The following PTCH1 variants were observed in gnomAD, a reference collection of about 807,000 sequenced individuals.
PTCH1 encodes the protein patched 1, also known as protein patched homolog 1.
PTCH1 carries 14 observed loss-of-function variants against 144.6 expected under a neutral mutation model. The ratio of observed to expected loss-of-function variants is 0.10; its 90% CI spans 0.06 to 0.15. The LOEUF is 0.15. Ranked by LOEUF, PTCH1 falls within the 10% of genes least tolerant of loss-of-function variation. The pLI, the probability that PTCH1 is intolerant of heterozygous loss-of-function variation, is 1.00. For synonymous variants in PTCH1, 833 were observed against 793.6 expected, an observed-to-expected ratio of 1.05 and a Z score of -0.83; for missense variants, 1,623 against 1,948.3, an observed-to-expected ratio of 0.83 and a Z score of 3.14.
rs1176214466 is a variant in PTCH1 at position 95,449,705 on chromosome 9, A to T, written c.3549+136T>A. 1 of 917,738 alleles carries T rather than the reference A, an allele frequency of 1.1e-6. No homozygotes were observed. The allele number at this position is 917,738 out of a possible 1,614,324, so 56.8% of individuals were successfully genotyped here. ...CAAAGCCAGTACACCGAAGAGGAAA[A>T]CAGACATGACTCTGAGATGTTTACT... On this transcript the variant is annotated intron_variant, in intron 21 of 23. Transcript: ENST00000331920. The surrounding 1 kb of genome is among the most constrained non-coding windows in gnomAD (Gnocchi z 5.3).
intron 12 of PTCH1, among the ~76,000 whole-genome samples, chr9:95,473,760 T>C (rs1840794051): frequency 6.6e-6 from 1 of 152,140 alleles, no homozygotes; most frequent in Non-Finnish European, 1.5e-5. Context: ...GCCAGGATGG[T>C]CTCGATCTCC....
intron 8 of PTCH1, among the ~76,000 whole-genome samples, chr9:95,478,634 G>A (rs1226346281): frequency 2.6e-5 from 4 of 152,186 alleles, no homozygotes; most frequent in Non-Finnish European, 5.9e-5. Context: ...GGGAAACAAA[G>A]GCCAGCTCCT....
chr9:95,457,784 A>G (rs1157562708), intron 18 of PTCH1, among the ~76,000 whole-genome samples: 2 of 152,178 alleles, frequency 1.3e-5, no homozygotes, highest in East Asian at 3.8e-4. Context: ...AAAGTCCCCT[A>G]TCTTTCCACA....
chr9:95,497,330 CCAG>C, intron 2 of PTCH1, among the ~76,000 whole-genome samples: 1 of 152,284 alleles, frequency 6.6e-6, no homozygotes, highest in East Asian at 1.9e-4. Flanking sequence ...GCCCAAAGTG[CCAG>C]TGACTTTCTC....
chr9:95,456,147 G>A (rs1838901453), intron 19 of PTCH1, 129 bp downstream of exon 19: 2 of 1,384,742 alleles, frequency 1.4e-6, no homozygotes, highest in East Asian at 2.3e-5. Context: ...CTCCTAGGGG[G>A]CCCCTGTGCC....
intron 2 of PTCH1, among the ~76,000 whole-genome samples, chr9:95,491,425 G>C (rs1256199327): frequency 1.3e-5 from 2 of 152,198 alleles, no homozygotes; most frequent in Non-Finnish European, 2.9e-5. Flanking sequence ...ACAGGACTGT[G>C]AGAGCCTTAG....
At chr9:95,487,644 AG>A (rs1477843967) in intron 2 of PTCH1, among the ~76,000 whole-genome samples, 2 of 152,252 alleles carry the variant, frequency 1.3e-5, no homozygotes, top group Non-Finnish European at 2.9e-5. Context: ...TCACAGCTGC[AG>A]AGCTGCCCAC....
At chr9:95,467,478 C>T (rs1389318456) in intron 14 of PTCH1, 53 bp from the exon 15 acceptor site, 3 of 1,569,278 alleles carry the variant, frequency 1.9e-6, no homozygotes, top group Admixed American at 1.7e-5. Context: ...CTGACTCTTC[C>T]TGGACAAAGA....
chr9:95,510,969 C>G (rs1382286051), upstream of PTCH1, among the ~76,000 whole-genome samples: 2 of 150,186 alleles, frequency 1.3e-5, no homozygotes, highest in African/African-American at 2.4e-5. Flanking sequence ...AGAGCCCAGG[C>G]GAGGCGCGCG....
At chr9:95,509,516 C>G (rs1405761848), upstream of PTCH1, among the ~76,000 whole-genome samples, 1 of 152,240 alleles carries the variant, frequency 6.6e-6, no homozygotes, top group Non-Finnish European at 1.5e-5. Flanking sequence ...GCAATACTTC[C>G]ATTAAGGAAT....
chr9:95,479,244 G>A (rs957255159), intron 7 of PTCH1, 97 bp from the exon 8 acceptor site: 22 of 1,495,512 alleles, frequency 1.5e-5, no homozygotes, highest in Non-Finnish European at 1.9e-5. Context: ...CTCACTGGCT[G>A]CAATTCTTTT....
At chr9:95,468,029 C>T (rs745994888) in intron 14 of PTCH1, among the ~76,000 whole-genome samples, 15 of 152,312 alleles carry the variant, frequency 9.8e-5, no homozygotes, top group Non-Finnish European at 1.9e-4. Context: ...GTCTCAGCTG[C>T]CCAAGTAGCT....
upstream of PTCH1, among the ~76,000 whole-genome samples, chr9:95,510,613 CACTTT>C (rs1412459857): frequency 7.1e-4 from 108 of 151,764 alleles, no homozygotes; most frequent in Non-Finnish European, 1.3e-3. Context: ...TGATTTGCTT[CACTTT>C]ATTTTTTTTT....
chr9:95,447,175 C>G lies in PTCH1; in HGVS notation c.4081G>C (p.Val1361Leu), dbSNP rs753535745. 6.2e-7 allele frequency: 1 copy of G among 1,613,044 alleles called. No homozygotes were observed. The part of the protein sequence containing the change: ...NPASTAMGSS[V>L]PGYCQPITTV... Reference sequence around the variant, plus strand: ...GTGATGGGCTGGCAGTAGCCGGGCACGGAGCTGCCCATGGCAGTGGACGCT... The same window carrying G: ...GTGATGGGCTGGCAGTAGCCGGGCAGGGAGCTGCCCATGGCAGTGGACGCT... Residue 1361 changes from valine to leucine, a missense_variant, in exon 23 of 24, where the codon GTG becomes CTG. By Grantham distance (32) the Val-to-Leu change is conservative. Around this residue, in one of 7 missense-constraint regions of PTCH1, gnomAD observed 291 missense variants for 287.4 expected, o/e 1.01. Coordinates refer to ENST00000331920, the MANE Select transcript of PTCH1 (RefSeq NM_000264.5).
In PTCH1 at chr9:95,446,273, T is replaced by C; in HGVS notation, c.*120A>G. On this transcript the variant is annotated 3_prime_UTR_variant, in exon 24 of 24. Coordinates refer to ENST00000331920, the MANE Select transcript of PTCH1 (RefSeq NM_000264.5). ...ATCGGTTACAGTAACAATGAACTGC[T>C]GTCCTGGCACAGGGCATCTTTTCCA... 2.1e-6 allele frequency: 1 copy of C among 472,988 alleles called. No homozygotes were observed. Among genetic ancestry groups the C allele is most frequent in the South Asian group, 1.5e-5 (1 of 65,956 alleles). 29.3% of individuals were successfully genotyped at this position (472,988 alleles called of 1,614,324 possible). A position where few individuals can be genotyped will look rare whatever the true frequency, so the allele number is the denominator to read the frequency against.
Position 95,456,424 on chromosome 9 carries a change from G to A in PTCH1, c.3169-11C>T, listed in dbSNP as rs377346472. On this transcript the variant is annotated splice_polypyrimidine_tract_variant and intron_variant, in intron 18 of 23. Coordinates refer to ENST00000331920, the MANE Select transcript of PTCH1 (RefSeq NM_000264.5). The stretch of plus-strand genomic sequence containing the variant: ...CGCCAGGACCATCACCTGGAGCAGG[G>A]CACACAGTGGTCAGTGGGCGGGCAG... 10 of 1,613,292 alleles carry A rather than the reference G, an allele frequency of 6.2e-6. No individual in the cohort carries two copies. In the African/African-American group the frequency reaches 1.3e-4, roughly 22 times the overall value.
chr9:95,470,632 A>C (rs1193057691), intron 12 of PTCH1, among the ~76,000 whole-genome samples: 2 of 152,196 alleles, frequency 1.3e-5, no homozygotes, highest in African/African-American at 4.8e-5. Context: ...CTGACCTAGT[A>C]AAAATTACAA....
At chr9:95,467,958 G>A (rs1345807096) in intron 14 of PTCH1, among the ~76,000 whole-genome samples, 2 of 152,004 alleles carry the variant, frequency 1.3e-5, no homozygotes, top group Admixed American at 6.6e-5. Context: ...CCAGGATGGA[G>A]TGCAGTGGCA....
intron 12 of PTCH1, among the ~76,000 whole-genome samples, chr9:95,472,267 A>C (rs1486878770): frequency 6.6e-6 from 1 of 152,208 alleles, no homozygotes; most frequent in Non-Finnish European, 1.5e-5. Context: ...TTACCTGATA[A>C]AGTCCCCGAA....
Sources: allele counts gnomAD v4.1 joint callset (sites outside exome capture counted in the v4.1 genomes callset), GRCh38; gene constraint gnomAD v4.1.1; regional missense constraint gnomAD v4.1.1; non-coding constraint Gnocchi (gnomAD v3.1); transcripts MANE v1.5; gene names NCBI Gene and HGNC (gene_info 2026-07-23, HGNC 2026-07-21).